The following KMO variants were observed in gnomAD, a reference collection of about 807,000 sequenced individuals.
KMO encodes kynurenine 3-monooxygenase.
Under a neutral mutation model 57.8 loss-of-function variants are expected in KMO, and 24 were observed. The observed-to-expected ratio is 0.42, with a 90% confidence interval of 0.30 to 0.58. The LOEUF is 0.58. KMO is among the 20% of genes least tolerant of loss of function. KMO has a pLI of 0.22. For synonymous variants in KMO, 210 were observed against 193.6 expected, an observed-to-expected ratio of 1.08 and a Z score of -0.70; for missense variants, 483 against 588.2, an observed-to-expected ratio of 0.82 and a Z score of 1.85.
Position 241,594,546 on chromosome 1 carries a change from ACTT to A in KMO, c.*2394_*2396del. 1 of 1,614,136 alleles carries A rather than the reference ACTT, an allele frequency of 6.2e-7. No individual in the cohort carries two copies. Among genetic ancestry groups the A allele is most frequent in the Non-Finnish European group, 8.5e-7 (1 of 1,179,984 alleles). ...AATGATGGAAGAAGAGTTGAAAGTC[ACTT>A]TTTTCTTTGGCCTGTCCCCATCTTT... On this transcript the variant is annotated 3_prime_UTR_variant, in exon 15 of 15. Transcript: ENST00000366559.
intron 8 of KMO, among the ~76,000 whole-genome samples, chr1:241,565,483 G>A (rs538008051): frequency 1.3e-5 from 2 of 151,854 alleles, no homozygotes; most frequent in East Asian, 1.9e-4. Flanking sequence ...CACTTTGGGA[G>A]GCCAAAGCGG....
At chr1:241,591,899 T>C in intron 14 of KMO, 54 bp from the exon 15 acceptor site, 1 of 1,457,066 alleles carries the variant, frequency 6.9e-7, no homozygotes, top group Non-Finnish European at 9.6e-7. Flanking sequence ...ATGAAGTCTA[T>C]TTTCAGATTT....
chr1:241,539,135 C>T (rs113222269), intron 1 of KMO, among the ~76,000 whole-genome samples: 30 of 152,228 alleles, frequency 2.0e-4, no homozygotes, highest in Non-Finnish European at 4.1e-4. Context: ...GTAATCCTAG[C>T]ACTTTGGGAG....
At position 241,549,582 on chromosome 1, in the gene KMO, T is replaced by C. The variant is rs73136857; in HGVS notation, c.125-95T>C. On this transcript the variant is annotated intron_variant, in intron 2 of 14. Coordinates refer to ENST00000366559, the MANE Select transcript of KMO (RefSeq NM_003679.5). ...GAGTTAAGAAGTTCTTTAATGTGGT[T>C]CCGAATGAACCAGTTGTTCAGATGC... The C allele has an allele frequency of 1.4e-3, 926 of 642,206 alleles. 11 individuals carry two copies. In the African/African-American group the frequency reaches 0.015, roughly 11 times the overall value. The allele number at this position is 642,206 out of a possible 1,614,324, so 39.8% of individuals were successfully genotyped here. A position where few individuals can be genotyped will look rare whatever the true frequency, so the allele number is the denominator to read the frequency against.
chr1:241,534,360 A>C (rs529040324), intron 1 of KMO, among the ~76,000 whole-genome samples: 1 of 152,326 alleles, frequency 6.6e-6, no homozygotes, highest in East Asian at 1.9e-4. Flanking sequence ...GGGGGCATAA[A>C]AATGTGGGTG....
intron 7 of KMO, among the ~76,000 whole-genome samples, chr1:241,563,587 G>A (rs549324418): frequency 6.6e-6 from 1 of 152,282 alleles, no homozygotes; most frequent in Non-Finnish European, 1.5e-5. Context: ...CCCAGAATCT[G>A]ATAACTCTGG....
chr1:241,592,288 ATCTC>A lies in KMO; in HGVS notation c.*137_*140del. 1.5e-6 allele frequency: 1 copy of A among 673,454 alleles called. No individual in the cohort carries two copies. The highest frequency in any genetic ancestry group is 2.5e-6 in the Non-Finnish European group (1 of 394,176). The allele number at this position is 673,454 out of a possible 1,614,324, so 41.7% of individuals were successfully genotyped here. On this transcript the variant is annotated 3_prime_UTR_variant, in exon 15 of 15. Transcript: ENST00000366559. ...CTTATAATTAAACTGAATGTAGAGT[ATCTC>A]TGTATGTTAATTGCAATTACTGGTT...
chr1:241,591,182 C>T (rs1240010902), intron 14 of KMO, among the ~76,000 whole-genome samples: 5 of 152,102 alleles, frequency 3.3e-5, no homozygotes, highest in African/African-American at 1.2e-4. Flanking sequence ...AAGATACCAG[C>T]AGGCAGTTAG....
rs1035718943 is a variant in KMO at position 241,594,287 on chromosome 1, A to G, written c.*2134A>G. On this transcript the variant is annotated 3_prime_UTR_variant, in exon 15 of 15. Coordinates refer to ENST00000366559, the MANE Select transcript of KMO (RefSeq NM_003679.5). ...CAACCTCTTCCTGAGGCCCAAGAGCATATGGGCAATTCGGATTTCCTGCTG... is the reference window on the plus strand; with the variant it reads ...CAACCTCTTCCTGAGGCCCAAGAGCGTATGGGCAATTCGGATTTCCTGCTG... 24 of 888,300 alleles carry G rather than the reference A, an allele frequency of 2.7e-5. No individual in the cohort carries two copies. Among genetic ancestry groups the G allele is most frequent in the African/African-American group, 5.0e-5 (3 of 59,866 alleles). The allele number at this position is 888,300 out of a possible 1,614,324, so 55.0% of individuals were successfully genotyped here.
intron 1 of KMO, among the ~76,000 whole-genome samples, chr1:241,541,232 T>C (rs1188543666): frequency 6.6e-6 from 1 of 152,010 alleles, no homozygotes; most frequent in Non-Finnish European, 1.5e-5. Flanking sequence ...TGAGAGAGAC[T>C]GAAGAGGAAC....
intron 1 of KMO, among the ~76,000 whole-genome samples, chr1:241,546,185 C>A (rs1407794692): frequency 6.6e-6 from 1 of 152,114 alleles, no homozygotes; most frequent in Non-Finnish European, 1.5e-5. Context: ...TGTTTAGGGT[C>A]CTGATCTAAA....
At chr1:241,577,135 C>A (rs974254934) in intron 10 of KMO, among the ~76,000 whole-genome samples, 14 of 152,030 alleles carry the variant, frequency 9.2e-5, no homozygotes, top group Non-Finnish European at 1.8e-4. Flanking sequence ...ATTTTTCATT[C>A]ATATTCTGAA....
chr1:241,561,975 T>G (rs1009862401), intron 6 of KMO, 192 bp from the exon 7 acceptor site: 1 of 579,086 alleles, frequency 1.7e-6, no homozygotes, highest in Non-Finnish European at 3.1e-6. Context: ...GCTATTCTCA[T>G]AAGCAAACTT....
chr1:241,591,912 A>T (rs202003904), intron 14 of KMO, 41 bp from the exon 15 acceptor site: 1 of 1,525,488 alleles, frequency 6.6e-7, no homozygotes, highest in East Asian at 2.3e-5. Flanking sequence ...TCAGATTTTA[A>T]TCTCTGGACA....
rs1661324089 is a variant in KMO, at chr1:241,549,669, T to C, written c.125-8T>C. ...TGCGTAACATGGAGTCTGCTTCCAATGTCTCAGATACTCGAGTGGCTACCT... is the reference window on the plus strand; with the variant it reads ...TGCGTAACATGGAGTCTGCTTCCAACGTCTCAGATACTCGAGTGGCTACCT... On this transcript the variant is annotated splice_region_variant and splice_polypyrimidine_tract_variant and intron_variant, in intron 2 of 14. Coordinates refer to ENST00000366559, the MANE Select transcript of KMO (RefSeq NM_003679.5). 4 of 1,592,448 alleles carry C rather than the reference T, an allele frequency of 2.5e-6. No individual in the cohort carries two copies. The highest frequency in any genetic ancestry group is 2.7e-5 in the African/African-American group (2 of 74,412).
intron 1 of KMO, among the ~76,000 whole-genome samples, chr1:241,538,909 C>T (rs1368197328): frequency 6.6e-6 from 1 of 152,140 alleles, no homozygotes; most frequent in Non-Finnish European, 1.5e-5. Flanking sequence ...TTGGCGCATC[C>T]TCCTCCCAAA....
intron 12 of KMO, 144 bp from the exon 13 acceptor site, chr1:241,589,868 G>T: frequency 1.5e-6 from 1 of 670,832 alleles, no homozygotes; most frequent in South Asian, 1.8e-5. Flanking sequence ...AAAATGGATT[G>T]GGAATGACAT....
chr1:241,557,110 G>T (rs772979588), intron 5 of KMO, among the ~76,000 whole-genome samples: 1 of 152,014 alleles, frequency 6.6e-6, no homozygotes, highest in Non-Finnish European at 1.5e-5. Context: ...GATATAGAAA[G>T]TTGAGAAAGA....
intron 1 of KMO, among the ~76,000 whole-genome samples, chr1:241,541,951 G>A (rs547044602): frequency 1.1e-4 from 16 of 152,068 alleles, no homozygotes; most frequent in Admixed American, 9.8e-4. Flanking sequence ...GGTGTTATAC[G>A]CTTCATTAAG....
Sources: gnomAD v4.1 joint callset for allele counts (sites outside exome capture counted in the v4.1 genomes callset) on GRCh38, gnomAD v4.1.1 for gene constraint, MANE v1.5 for transcripts, NCBI Gene and HGNC (gene_info 2026-07-23, HGNC 2026-07-21) for gene names.